APBB1IP: variants seen among roughly 807,000 people sequenced by gnomAD.
APBB1IP encodes amyloid beta A4 precursor protein-binding family B member 1-interacting protein.
A neutral mutation model predicts 64.9 loss-of-function variants in APBB1IP; 27 were observed. The observed-to-expected ratio is 0.42, with a 90% CI of 0.31 to 0.57. The LOEUF (loss-of-function observed/expected upper bound fraction) is 0.57. APBB1IP is among the 20% of genes least tolerant of loss of function. The probability of loss-of-function intolerance (pLI) is 0.20; values close to 1 mark genes in which losing one functional copy is unlikely to be tolerated. For missense variants in APBB1IP, 812 were observed against 845.5 expected (o/e 0.96, Z 0.49); for synonymous variants, 392 against 331.0 (o/e 1.18, Z -2.00).
At chr10:26,491,372 G>A (rs1482691097) in intron 2 of APBB1IP, among the ~76,000 whole-genome samples, 2 of 152,170 alleles carry the variant, frequency 1.3e-5, no homozygotes, top group Non-Finnish European at 2.9e-5. Flanking sequence ...TGAAACAATT[G>A]ATTACCTTTG....
intron 11 of APBB1IP, among the ~76,000 whole-genome samples, chr10:26,551,843 A>T (rs983066996): frequency 5.3e-5 from 8 of 152,182 alleles, no homozygotes; most frequent in African/African-American, 1.9e-4. Context: ...CAGAGCTTGG[A>T]GTGATATTTG....
chr10:26,547,077 A>C (rs959835956), intron 11 of APBB1IP, among the ~76,000 whole-genome samples: 1 of 152,116 alleles, frequency 6.6e-6, no homozygotes, highest in African/African-American at 2.4e-5. Flanking sequence ...TTGTCCTTTT[A>C]TCATAGCCAT....
chr10:26,483,731 G>C (rs1396255462), intron 2 of APBB1IP, among the ~76,000 whole-genome samples: 2 of 151,758 alleles, frequency 1.3e-5, no homozygotes, highest in Non-Finnish European at 2.9e-5. Flanking sequence ...TATTTATTTT[G>C]AGTCAGGGTC....
chr10:26,561,862 T>C (rs1342783512), intron 13 of APBB1IP: 1 of 153,058 alleles, frequency 6.5e-6, no homozygotes, highest in African/African-American at 2.4e-5. Flanking sequence ...TTGAGGACAA[T>C]GTTGAAGAGT....
chr10:26,472,217 G>A lies in APBB1IP; in HGVS notation c.1-20110G>A, dbSNP rs1219632123. Among the ~76,000 whole-genome samples, 6 of 152,300 alleles carry A rather than the reference G, an allele frequency of 3.9e-5. No homozygotes were observed. The East Asian group carries it at 1.2e-3, about 29-fold the overall frequency. ...AATTTTTCTGCACATGAAAACATCT[G>A]GCTCAGATCATCATATCTTGAAAAG... On this transcript the variant is annotated intron_variant, in intron 2 of 14. Transcript: ENST00000376236.
chr10:26,526,173 G>T lies in APBB1IP; in HGVS notation c.814-7266G>T, dbSNP rs761234146. 2.0e-4 allele frequency among the ~76,000 whole-genome samples: 31 copies of T among 152,246 alleles called. 1 individual carries two copies. The highest frequency in any genetic ancestry group is 3.4e-3 in the Middle Eastern group (1 of 294). On this transcript the variant is annotated intron_variant, in intron 8 of 14. Coordinates refer to ENST00000376236, the MANE Select transcript of APBB1IP (RefSeq NM_019043.4). ...GAATTGAGGACTGAGTATGAACATG[G>T]AAAATCATTCTGGTATTAACGTAAG...
chr10:26,517,274 A>G (rs1276695856), intron 8 of APBB1IP, among the ~76,000 whole-genome samples: 1 of 152,176 alleles, frequency 6.6e-6, no homozygotes, highest in Non-Finnish European at 1.5e-5. Flanking sequence ...AACCCATGTA[A>G]TTACCACCCA....
chr10:26,447,767 C>A (rs113259365), intron 2 of APBB1IP, among the ~76,000 whole-genome samples: 3 of 152,138 alleles, frequency 2.0e-5, no homozygotes, highest in African/African-American at 7.2e-5. Flanking sequence ...GTCACCCAAG[C>A]AAGAGTGCAG....
chr10:26,497,038 T>TA (rs1369299928), intron 4 of APBB1IP, among the ~76,000 whole-genome samples: 1 of 151,416 alleles, frequency 6.6e-6, no homozygotes, highest in Admixed American at 6.6e-5. Flanking sequence ...AAGTAAAAAA[T>TA]AAAAAAATTA....
At chr10:26,517,416 A>AT (rs1342982803) in intron 8 of APBB1IP, among the ~76,000 whole-genome samples, 4 of 152,142 alleles carry the variant, frequency 2.6e-5, no homozygotes, top group African/African-American at 9.7e-5. Flanking sequence ...TTTGAACTTT[A>AT]TATATGAAAT....
At chr10:26,520,185 C>T (rs900746315) in intron 8 of APBB1IP, among the ~76,000 whole-genome samples, 1 of 152,198 alleles carries the variant, frequency 6.6e-6, no homozygotes, top group South Asian at 2.1e-4. Flanking sequence ...TGCCTGCTTA[C>T]TTGCTTTCTG....
intron 3 of APBB1IP, among the ~76,000 whole-genome samples, chr10:26,495,078 GCTCA>G (rs1450241765): frequency 6.6e-6 from 1 of 151,070 alleles, no homozygotes; most frequent in Non-Finnish European, 1.5e-5. Context: ...CAAGATCTTG[GCTCA>G]CTGCAAGCTC....
At chr10:26,488,577 T>A (rs1278454238) in intron 2 of APBB1IP, among the ~76,000 whole-genome samples, 1 of 152,188 alleles carries the variant, frequency 6.6e-6, no homozygotes, top group Non-Finnish European at 1.5e-5. Flanking sequence ...AGATACTTTG[T>A]AAGCAACTGT....
intron 5 of APBB1IP, among the ~76,000 whole-genome samples, chr10:26,502,957 T>G (rs1366006700): frequency 6.6e-6 from 1 of 152,198 alleles, no homozygotes; most frequent in Non-Finnish European, 1.5e-5. Flanking sequence ...AAGAATTTTG[T>G]TATAGTCATC....
chr10:26,506,187 AG>A (rs1836173738), intron 6 of APBB1IP, among the ~76,000 whole-genome samples: 1 of 135,468 alleles, frequency 7.4e-6, no homozygotes, highest in Non-Finnish European at 1.5e-5. Flanking sequence ...ACACATCCCC[AG>A]TATTCCCAAT....
intron 2 of APBB1IP, among the ~76,000 whole-genome samples, chr10:26,443,084 G>A (rs771947063): frequency 1.6e-4 from 24 of 152,132 alleles, no homozygotes; most frequent in African/African-American, 5.8e-4. Flanking sequence ...CATTGATAAA[G>A]TGACCAAGAA....
intron 5 of APBB1IP, 175 bp downstream of exon 5, chr10:26,501,286 A>T: frequency 2.5e-6 from 2 of 798,982 alleles, no homozygotes; most frequent in Admixed American, 2.9e-5. Context: ...AGCAAGCCAC[A>T]TGGGTGTGTA....
At chr10:26,477,078 G>A (rs1044715158) in intron 2 of APBB1IP, among the ~76,000 whole-genome samples, 1 of 152,144 alleles carries the variant, frequency 6.6e-6, no homozygotes, top group Non-Finnish European at 1.5e-5. Context: ...TGGGATTACA[G>A]GTGTGAACCA....
chr10:26,562,174 C>T, intron 13 of APBB1IP, 152 bp from the exon 14 acceptor site: 1 of 615,904 alleles, frequency 1.6e-6, no homozygotes, highest in South Asian at 1.8e-5. Flanking sequence ...GCTCTCTTTG[C>T]TTTGTTTTTA....
Sources: gnomAD v4.1 joint callset for allele counts (sites outside exome capture counted in the v4.1 genomes callset) on GRCh38, gnomAD v4.1.1 for gene constraint, MANE v1.5 for transcripts, NCBI Gene and HGNC (gene_info 2026-07-23, HGNC 2026-07-21) for gene names.